The following C3 variants were observed in gnomAD, a reference collection of about 807,000 sequenced individuals.
C3 encodes the protein complement C3.
In C3, 97 loss-of-function variants were observed where a neutral mutation model predicts 207.9. The observed-to-expected ratio is 0.47, with a 90% CI of 0.40 to 0.55. The LOEUF (loss-of-function observed/expected upper bound fraction) is 0.55, where lower values mean the gene tolerates loss of function less well. C3 is among the 20% of genes least tolerant of loss of function. The pLI is 0.00. For missense variants in C3, 1,684 were observed against 2,171.7 expected (o/e 0.78, Z 4.46); for synonymous variants, 848 against 857.6 (o/e 0.99, Z 0.20).
At chr19:6,701,254 T>G (rs1281541354) in intron 19 of C3, among the ~76,000 whole-genome samples, 1 of 152,158 alleles carries the variant, frequency 6.6e-6, no homozygotes, top group Non-Finnish European at 1.5e-5. Context: ...CCTAGAGTTG[T>G]GTTTTGCTCA....
At chr19:6,694,183 G>C (rs927235019) in intron 24 of C3, among the ~76,000 whole-genome samples, 1 of 107,522 alleles carries the variant, frequency 9.3e-6, no homozygotes, top group Non-Finnish European at 2.0e-5. Flanking sequence ...GAGAAGAGGT[G>C]GGGGGCCCTC....
intron 14 of C3, 73 bp downstream of exon 14, chr19:6,709,611 T>TACCCCCCCC: frequency 1.1e-5 from 12 of 1,109,428 alleles, no homozygotes; most frequent in East Asian, 5.1e-5. Context: ...CCCTCTCCAG[T>TACCCCCCCC]CCCACCCACC....
intron 7 of C3, 178 bp from the exon 8 acceptor site, chr19:6,713,687 A>AC: frequency 2.1e-5 from 3 of 141,914 alleles, no homozygotes; most frequent in Non-Finnish European, 2.7e-5. Flanking sequence ...CCCCACTCCC[A>AC]CCCCCCACAT....
chr19:6,708,064 C>T, intron 14 of C3, 135 bp from the exon 15 acceptor site: 1 of 949,852 alleles, frequency 1.1e-6, no homozygotes, highest in Non-Finnish European at 1.6e-6. Flanking sequence ...CCTGCTTCTG[C>T]CCTTCCTTTC....
chr19:6,709,942 G>C (rs908465707), intron 13 of C3, 100 bp from the exon 14 acceptor site: 2 of 1,140,382 alleles, frequency 1.8e-6, no homozygotes, highest in African/African-American at 1.6e-5. Flanking sequence ...CAGAAAGGTT[G>C]GGGGGAGCCG....
At chr19:6,708,662 C>CT (rs755139983) in intron 14 of C3, among the ~76,000 whole-genome samples, 10 of 141,460 alleles carry the variant, frequency 7.1e-5, no homozygotes, top group South Asian at 2.4e-4. Flanking sequence ...TCTCTCTCTT[C>CT]TTTTTTTTTC....
rs766253267 is a variant in C3 at position 6,686,311 on chromosome 19, C to T, written c.3647-24G>A. 5 of 1,613,242 alleles carry T rather than the reference C, an allele frequency of 3.1e-6. No homozygotes were observed. The South Asian group carries it at 4.4e-5, about 14-fold the overall frequency. ...ATCTGCAAAGAAGATACCCCATCCC[C>T]AGTGCTCACTGCTCTGTCCAGCCTG... On this transcript the variant is annotated intron_variant, in intron 28 of 40. Coordinates refer to ENST00000245907, the MANE Select transcript of C3 (RefSeq NM_000064.4).
chr19:6,718,221 C>T (rs748809900), intron 3 of C3, 26 bp downstream of exon 3: 3 of 1,614,124 alleles, frequency 1.9e-6, no homozygotes, highest in Non-Finnish European at 2.5e-6. Context: ...CGGTGCCCCG[C>T]CCTCTCCAGC....
At chr19:6,689,380 T>TAC (rs1480500034) in intron 27 of C3, among the ~76,000 whole-genome samples, 6 of 130,754 alleles carry the variant, frequency 4.6e-5, no homozygotes, top group African/African-American at 1.7e-4. Context: ...TCTCTCTCTC[T>TAC]CTCTCTCTGC....
rs1918014206 is a variant in C3 at position 6,686,532 on chromosome 19, T to G, written c.3646+214A>C. The G allele has an allele frequency of 4.1e-6, 3 of 728,832 alleles. No individual in the cohort carries two copies. In the South Asian group the frequency reaches 4.8e-5, roughly 12 times the overall value. 45.1% of individuals were successfully genotyped at this position (728,832 alleles called of 1,614,324 possible). On this transcript the variant is annotated intron_variant, in intron 28 of 40. Coordinates refer to ENST00000245907, the MANE Select transcript of C3 (RefSeq NM_000064.4). ...AAATGACGCAACAAACTTTCTCGTGTGGTTTACAATGAGGACCTGCGAAAA... is the reference window on the plus strand; with the variant it reads ...AAATGACGCAACAAACTTTCTCGTGGGGTTTACAATGAGGACCTGCGAAAA...
At chr19:6,709,563 C>G in intron 14 of C3, 121 bp downstream of exon 14, 1 of 1,138,088 alleles carries the variant, frequency 8.8e-7, no homozygotes, top group South Asian at 1.2e-5. Context: ...CTGGTCTGCT[C>G]CGATCTCTGC....
Position 6,707,896 on chromosome 19 carries a change from A to G in C3, c.1879T>C (p.Cys627Arg). The change falls in exon 15 of 41, where the codon TGC (cysteine) becomes CGC (arginine). Residue 627 changes from cysteine (C) to arginine (R), a missense_variant. Cys to Arg is a radical substitution (Grantham distance 180, BLOSUM62 -3). This residue lies in a region of C3 where 1,280 missense variants were observed against 1,739.1 expected (regional missense o/e 0.74). Transcript: ENST00000245907. Reference protein sequence around the residue: ...WDVVEKADIGCTPGSGKDYAG... With the variant: ...WDVVEKADIGRTPGSGKDYAG... Reference sequence around the variant, plus strand: ...TAATCCTTCCCACTGCCCGGGGTGCAGCCGATGTCTGCCTTCTCCACCACG... The same window carrying G: ...TAATCCTTCCCACTGCCCGGGGTGCGGCCGATGTCTGCCTTCTCCACCACG... The G allele has an allele frequency of 6.2e-7, 1 of 1,613,976 alleles. No homozygotes were observed. Among genetic ancestry groups the G allele is most frequent in the Non-Finnish European group, 8.5e-7 (1 of 1,180,010 alleles).
chr19:6,692,801 C>G, intron 26 of C3, 123 bp downstream of exon 26: 2 of 1,251,468 alleles, frequency 1.6e-6, no homozygotes, highest in East Asian at 2.3e-5. Context: ...CCCCACCCCC[C>G]AGCCCAATCT....
chr19:6,714,473 A>G, intron 4 of C3, 27 bp from the exon 5 acceptor site: 1 of 1,554,438 alleles, frequency 6.4e-7, no homozygotes, highest in Non-Finnish European at 8.9e-7. Context: ...GGAAGGATAG[A>G]GGATAAAGTG....
intron 14 of C3, among the ~76,000 whole-genome samples, chr19:6,708,974 A>G (rs1967847993): frequency 6.6e-6 from 1 of 151,636 alleles, no homozygotes; most frequent in Admixed American, 6.6e-5. Flanking sequence ...GACGTGAGCC[A>G]CCGCACCTGG....
chr19:6,691,214 A>C (rs541534990), intron 26 of C3, among the ~76,000 whole-genome samples: 18 of 151,996 alleles, frequency 1.2e-4, no homozygotes, highest in South Asian at 4.2e-4. Context: ...CCACCACACC[A>C]AGCTAATTTT....
intron 26 of C3, among the ~76,000 whole-genome samples, chr19:6,692,140 G>C (rs935328687): frequency 2.0e-5 from 3 of 152,032 alleles, no homozygotes; most frequent in African/African-American, 7.2e-5. Context: ...GTCTCACTCT[G>C]TTATCAGCCT....
rs946198049 is a variant in C3 at position 6,694,783 on chromosome 19, G to A, written c.2951-149C>T. The stretch of plus-strand genomic sequence containing the variant: ...GGAGGATGTGACTGCGGGGAGGGGA[G>A]GCTGCATGGCTGAGTGGCTGTTCGG... On this transcript the variant is annotated intron_variant, in intron 23 of 40. Coordinates refer to ENST00000245907, the MANE Select transcript of C3 (RefSeq NM_000064.4). 45 of 688,666 alleles carry A rather than the reference G, an allele frequency of 6.5e-5. No homozygotes were observed. In the East Asian group the frequency reaches 1.1e-3, roughly 17 times the overall value. 42.7% of individuals were successfully genotyped at this position (688,666 alleles called of 1,614,324 possible).
At position 6,694,868 on chromosome 19, in the gene C3, A is replaced by AT. The variant is rs11569490; in HGVS notation, c.2951-235dup. Reference sequence around the variant, plus strand: ...AGGGGCACCCTGGTCCTTGGGTCTCATTTCACCAGCAGTAAAATAATTCCA... The same window carrying AT: ...AGGGGCACCCTGGTCCTTGGGTCTCATTTTCACCAGCAGTAAAATAATTCCA... On this transcript the variant is annotated intron_variant, in intron 23 of 40. Coordinates refer to ENST00000245907, the MANE Select transcript of C3 (RefSeq NM_000064.4). Among the ~76,000 whole-genome samples the AT allele has an allele frequency of 4.7e-3, 714 of 152,240 alleles. 4 individuals are homozygous for AT. Among genetic ancestry groups the AT allele is most frequent in the African/African-American group, 0.015 (629 of 41,532 alleles).
Sources: allele counts gnomAD v4.1 joint callset (sites outside exome capture counted in the v4.1 genomes callset), GRCh38; gene constraint gnomAD v4.1.1; regional missense constraint gnomAD v4.1.1; transcripts MANE v1.5; gene names NCBI Gene and HGNC (gene_info 2026-07-23, HGNC 2026-07-21).